Variants in COL14A1 observed in about 807,000 individuals in gnomAD.
COL14A1 encodes collagen type XIV alpha 1 chain, also known as collagen alpha-1(XIV) chain.
COL14A1 carries 136 observed loss-of-function variants against 230.3 expected under a neutral mutation model. That is an observed-to-expected ratio of 0.59 (90% CI 0.51 to 0.68). The LOEUF (loss-of-function observed/expected upper bound fraction) is 0.68. Among genes scored for constraint, COL14A1 ranks in the 30% least tolerant of loss-of-function variants. The pLI, the probability that COL14A1 is intolerant of heterozygous loss-of-function variation, is 0.00. For missense variants in COL14A1, 1,976 were observed against 2,215.8 expected (o/e 0.89, Z 2.17); for synonymous variants, 792 against 784.1 (o/e 1.01, Z -0.17).
intron 14 of COL14A1, 119 bp from the exon 15 acceptor site, chr8:120,224,967 AGT>A: frequency 2.4e-6 from 2 of 828,534 alleles, no homozygotes; most frequent in Non-Finnish European, 3.6e-6. Flanking sequence ...TTTATAATTC[AGT>A]AATTTGTTTT....
At chr8:120,171,507 T>C (rs1426294522) in intron 5 of COL14A1, among the ~76,000 whole-genome samples, 2 of 152,210 alleles carry the variant, frequency 1.3e-5, no homozygotes, top group Admixed American at 1.3e-4. Flanking sequence ...GGGTACCAGA[T>C]TAAGAGTTGT....
chr8:120,224,851 T>C (rs1368055332), intron 14 of COL14A1, among the ~76,000 whole-genome samples: 1 of 152,206 alleles, frequency 6.6e-6, no homozygotes, highest in African/African-American at 2.4e-5. Flanking sequence ...GTCTGCACTT[T>C]GTGTCTGGAA....
chr8:120,207,862 G>C (rs555032533), intron 10 of COL14A1, among the ~76,000 whole-genome samples: 1 of 150,034 alleles, frequency 6.7e-6, no homozygotes, highest in South Asian at 2.1e-4. Flanking sequence ...AAAAAGATCC[G>C]AGTGCTTCCA....
intron 1 of COL14A1, among the ~76,000 whole-genome samples, chr8:120,131,224 C>T (rs939700712): frequency 3.3e-5 from 5 of 152,098 alleles, no homozygotes; most frequent in South Asian, 2.1e-4. Context: ...TATTCCTTTG[C>T]GTATATATCC....
rs1819923988 is a variant in COL14A1, at chr8:120,278,460, T to A, written c.3363T>A (p.Asp1121Glu). 1.2e-6 allele frequency: 2 copies of A among 1,612,452 alleles called. No individual in the cohort carries two copies. The highest frequency in any genetic ancestry group is 1.7e-6 in the Non-Finnish European group (2 of 1,179,256). ...GAAAAGCAATTAAGTATGTTCGAGA[T>A]ACCTTGTTCACTGCAGAGTCAGGTA... ...KTGKAIKYVR[D>E]TLFTAESGTR... is the part of the protein sequence containing the mutation. Residue 1121 changes from aspartate to glutamate, a missense_variant, in exon 28 of 48, where the codon GAT becomes GAA. By Grantham distance (45) the Asp-to-Glu change is conservative (BLOSUM62 2). Around this residue, in one of 3 missense-constraint regions of COL14A1, gnomAD observed 1,791 missense variants for 2,019.5 expected, o/e 0.89. Transcript: ENST00000297848.
Position 120,270,541 on chromosome 8 carries a change from A to G in COL14A1, c.3213+367A>G, listed in dbSNP as rs559666580. ...TTAAGGTCACACCTTACTATAGATC[A>G]TGTGGAACATGAAACTAACTCATTC... On this transcript the variant is annotated intron_variant, in intron 26 of 47. Coordinates refer to ENST00000297848, the MANE Select transcript of COL14A1 (RefSeq NM_021110.4). 3.9e-5 allele frequency among the ~76,000 whole-genome samples: 6 copies of G among 151,930 alleles called. No homozygotes were observed. In the South Asian group the frequency reaches 8.3e-4, roughly 21 times the overall value.
chr8:120,253,310 T>G (rs116407754), intron 22 of COL14A1, among the ~76,000 whole-genome samples: 2,506 of 152,196 alleles, frequency 0.016, 58 homozygotes, highest in African/African-American at 0.055. Flanking sequence ...CGCCCAGCCC[T>G]GTGATTTTTT....
At chr8:120,218,891 C>T (rs1477842183) in intron 14 of COL14A1, among the ~76,000 whole-genome samples, 15 of 152,096 alleles carry the variant, frequency 9.9e-5, no homozygotes, top group Admixed American at 9.8e-4. Context: ...TAAAACCTAT[C>T]AATTTAAAAG....
rs1037431062 is a variant in COL14A1, at chr8:120,371,997, T to G, written c.*766T>G. The G allele has an allele frequency of 4.9e-6, 1 of 203,866 alleles. No individual in the cohort carries two copies. Among genetic ancestry groups the G allele is most frequent in the Non-Finnish European group, 9.8e-6 (1 of 101,704 alleles). The allele number at this position is 203,866 out of a possible 1,614,324, so 12.6% of individuals were successfully genotyped here. On this transcript the variant is annotated 3_prime_UTR_variant, in exon 48 of 48. Coordinates refer to ENST00000297848, the MANE Select transcript of COL14A1 (RefSeq NM_021110.4). ...GCAGATAAGTTTTCGCAAACCTATT[T>G]CCATTTTCTTTTGTAAGCAAATAAA...
At chr8:120,196,060 A>C (rs965607425) in intron 5 of COL14A1, among the ~76,000 whole-genome samples, 1 of 152,206 alleles carries the variant, frequency 6.6e-6, no homozygotes, top group African/African-American at 2.4e-5. Flanking sequence ...CTTCTCTAAT[A>C]GTAAAACATA....
intron 7 of COL14A1, 115 bp from the exon 8 acceptor site, chr8:120,199,287 A>G (rs1817147626): frequency 1.6e-5 from 14 of 865,462 alleles, no homozygotes; most frequent in Non-Finnish European, 2.3e-5. Context: ...GAAGATTTGC[A>G]TGTAATAAAA....
Position 120,371,853 on chromosome 8 carries a change from T to A in COL14A1, c.*622T>A. The A allele has an allele frequency of 2.7e-6, 1 of 377,002 alleles. No homozygotes were observed. The highest frequency in any genetic ancestry group is 4.7e-6 in the Non-Finnish European group (1 of 212,018). The allele number at this position is 377,002 out of a possible 1,614,324, so 23.4% of individuals were successfully genotyped here. On this transcript the variant is annotated 3_prime_UTR_variant, in exon 48 of 48. Coordinates refer to ENST00000297848, the MANE Select transcript of COL14A1 (RefSeq NM_021110.4). ...TTAGTTTTTCAGTGGTTTTAACTCA[T>A]GTGAAATAATGATTTTCCACCAGCT... is the stretch of plus-strand genomic sequence containing the variant.
chr8:120,366,748 ATTCATGCC>A (rs1823417039), intron 45 of COL14A1, among the ~76,000 whole-genome samples: 1 of 152,232 alleles, frequency 6.6e-6, no homozygotes, highest in South Asian at 2.1e-4. Flanking sequence ...CCTAATTACA[ATTCATGCC>A]TTTTGCAGAC....
intron 22 of COL14A1, among the ~76,000 whole-genome samples, chr8:120,253,426 G>A (rs2129699157): frequency 6.6e-6 from 1 of 151,920 alleles, no homozygotes; most frequent in South Asian, 2.1e-4. Flanking sequence ...TAAATATATT[G>A]AGCATTCCAA....
At chr8:120,357,548 G>A (rs1823029449) in intron 45 of COL14A1, among the ~76,000 whole-genome samples, 2 of 152,082 alleles carry the variant, frequency 1.3e-5, no homozygotes, top group African/African-American at 4.8e-5. Context: ...AAGTAGAGAG[G>A]AATTCGGCTG....
intron 47 of COL14A1, 154 bp from the exon 48 acceptor site, chr8:120,370,998 T>A: frequency 9.4e-7 from 1 of 1,061,866 alleles, no homozygotes; most frequent in Non-Finnish European, 1.4e-6. Context: ...TCTGAAACCT[T>A]ATGGGGAAGG....
chr8:120,348,035 C>A (rs1822584208), intron 45 of COL14A1, among the ~76,000 whole-genome samples: 1 of 151,912 alleles, frequency 6.6e-6, no homozygotes, highest in Admixed American at 6.6e-5. Flanking sequence ...TGGGTATCTA[C>A]CCAGAGGAAA....
intron 33 of COL14A1, among the ~76,000 whole-genome samples, 191 bp from the exon 34 acceptor site, chr8:120,289,417 G>A (rs973066924): frequency 4.6e-5 from 7 of 152,146 alleles, no homozygotes; most frequent in Non-Finnish European, 7.4e-5. Context: ...GATAAAAATA[G>A]AGATGGTACT....
chr8:120,170,517 G>T (rs1816063479), intron 5 of COL14A1, among the ~76,000 whole-genome samples: 1 of 151,948 alleles, frequency 6.6e-6, no homozygotes, highest in African/African-American at 2.4e-5. Flanking sequence ...GGGTCTGTAG[G>T]AATATTCTTT....
Sources: allele counts gnomAD v4.1 joint callset (sites outside exome capture counted in the v4.1 genomes callset), GRCh38; gene constraint gnomAD v4.1.1; regional missense constraint gnomAD v4.1.1; transcripts MANE v1.5; gene names NCBI Gene and HGNC (gene_info 2026-07-23, HGNC 2026-07-21).